CNTN4: variants seen among roughly 807,000 people sequenced by gnomAD.
CNTN4 encodes contactin-4.
CNTN4 carries 77 observed loss-of-function variants against 122.5 expected under a neutral mutation model. The ratio of observed to expected loss-of-function variants is 0.63; its 90% CI spans 0.52 to 0.76. CNTN4 has a LOEUF of 0.76. CNTN4 is among the 30% of genes least tolerant of loss of function. The pLI, the probability that CNTN4 is intolerant of heterozygous loss-of-function variation, is 0.00. For synonymous variants in CNTN4, 512 were observed against 447.0 expected (o/e 1.15, Z -1.83); for missense variants, 1,256 against 1,259.1 (o/e 1.00, Z 0.04).
Position 2,386,092 on chromosome 3 carries a change from G to C in CNTN4, c.-89+46859G>C, listed in dbSNP as rs567012473. Among the ~76,000 whole-genome samples the C allele has an allele frequency of 9.7e-4, 148 of 152,030 alleles. 1 individual carries two copies. Among genetic ancestry groups the C allele is most frequent in the Non-Finnish European group, 1.7e-3 (117 of 67,986 alleles). ...ATTTGTTCATATATCTATGACATTG[G>C]TTAGATTAGGAATTCCTCAAGTAAG... is the stretch of plus-strand genomic sequence containing the variant. On this transcript the variant is annotated intron_variant, in intron 3 of 24. Transcript: ENST00000418658.
intron 2 of CNTN4, among the ~76,000 whole-genome samples, chr3:2,179,486 C>T (rs1373436379): frequency 6.6e-6 from 1 of 151,896 alleles, no homozygotes; most frequent in Non-Finnish European, 1.5e-5. Flanking sequence ...AACGCTTTCC[C>T]TGTAGTAGCT....
intron 4 of CNTN4, among the ~76,000 whole-genome samples, chr3:2,601,048 G>T (rs565392986): frequency 2.6e-5 from 4 of 152,264 alleles, no homozygotes; most frequent in African/African-American, 9.6e-5. Flanking sequence ...TGATGGGGTT[G>T]TTGTATTTTT....
At chr3:2,845,652 A>T (rs1308527282) in intron 7 of CNTN4, among the ~76,000 whole-genome samples, 3 of 152,214 alleles carry the variant, frequency 2.0e-5, no homozygotes, top group South Asian at 4.1e-4. Flanking sequence ...CAGTTTCATT[A>T]CAGACATGTT....
chr3:2,720,234 C>G (rs1276250275), intron 4 of CNTN4, among the ~76,000 whole-genome samples: 1 of 152,036 alleles, frequency 6.6e-6, no homozygotes, highest in Non-Finnish European at 1.5e-5. Context: ...TTTTTGATGT[C>G]AATGAGATAG....
At chr3:2,766,615 A>G in intron 6 of CNTN4, among the ~76,000 whole-genome samples, 1 of 152,154 alleles carries the variant, frequency 6.6e-6, no homozygotes, top group East Asian at 1.9e-4. Flanking sequence ...GAAGAGGATG[A>G]GGGATAAAAG....
chr3:2,571,771 C>G (rs1476354575), intron 4 of CNTN4, among the ~76,000 whole-genome samples: 3 of 152,192 alleles, frequency 2.0e-5, no homozygotes, highest in Non-Finnish European at 4.4e-5. Context: ...ACCGATGTTT[C>G]ACCTGTCTAT....
intron 3 of CNTN4, among the ~76,000 whole-genome samples, chr3:2,390,215 AGTGTGTGTGTGTGTGTGT>A (rs142190283): frequency 6.9e-6 from 1 of 144,770 alleles, no homozygotes; most frequent in Non-Finnish European, 1.5e-5. Context: ...AGGAAAAAAG[AGTGTGTGTGTGTGTGTGT>A]GTGTGTGTGT....
chr3:2,433,995 T>TG (rs2048172255), intron 3 of CNTN4, among the ~76,000 whole-genome samples: 2 of 152,172 alleles, frequency 1.3e-5, no homozygotes, highest in South Asian at 4.2e-4. Flanking sequence ...TACCAGAGGC[T>TG]GGGGGAGGGA....
At chr3:2,509,197 C>T (rs963452358) in intron 3 of CNTN4, among the ~76,000 whole-genome samples, 2 of 152,162 alleles carry the variant, frequency 1.3e-5, no homozygotes, top group Non-Finnish European at 1.5e-5. Flanking sequence ...GCTAATATGA[C>T]TGAGGTGCAC....
chr3:2,833,893 A>C (rs1298023383), intron 7 of CNTN4, among the ~76,000 whole-genome samples: 2 of 152,186 alleles, frequency 1.3e-5, no homozygotes, highest in Non-Finnish European at 2.9e-5. Flanking sequence ...TAATCCCAAC[A>C]CTTGGGGAGG....
chr3:2,503,800 C>G (rs112001945), intron 3 of CNTN4, among the ~76,000 whole-genome samples: 4 of 151,938 alleles, frequency 2.6e-5, no homozygotes, highest in African/African-American at 4.8e-5. Flanking sequence ...AAACATAATC[C>G]TGGGTGGTGA....
chr3:2,422,410 T>G (rs2047651237), intron 3 of CNTN4, among the ~76,000 whole-genome samples: 1 of 152,198 alleles, frequency 6.6e-6, no homozygotes, highest in Non-Finnish European at 1.5e-5. Context: ...CAAACAGATG[T>G]TGTCATTTTC....
chr3:2,775,237 T>G (rs2091267849), intron 6 of CNTN4, among the ~76,000 whole-genome samples: 1 of 152,214 alleles, frequency 6.6e-6, no homozygotes, highest in African/African-American at 2.4e-5. Flanking sequence ...GCTTAGTGTT[T>G]TTATTTCCAG....
intron 3 of CNTN4, among the ~76,000 whole-genome samples, chr3:2,345,844 G>A (rs575196759): frequency 5.3e-5 from 8 of 152,268 alleles, no homozygotes; most frequent in South Asian, 4.1e-4. Context: ...TAAATTTGAC[G>A]AATTAATCCT....
chr3:2,759,680 TAC>T (rs1386416731), intron 6 of CNTN4, among the ~76,000 whole-genome samples: 10 of 150,286 alleles, frequency 6.7e-5, no homozygotes, highest in Non-Finnish European at 1.0e-4. Flanking sequence ...ATGTTTAACA[TAC>T]AGTAACTGGG....
intron 4 of CNTN4, among the ~76,000 whole-genome samples, chr3:2,599,234 T>A (rs556093096): frequency 6.6e-6 from 1 of 152,300 alleles, no homozygotes; most frequent in East Asian, 1.9e-4. Context: ...TAGTTGTAGG[T>A]TCCATTCTAT....
intron 6 of CNTN4, among the ~76,000 whole-genome samples, chr3:2,760,831 C>T (rs2090557880): frequency 1.3e-5 from 2 of 152,184 alleles, no homozygotes; most frequent in African/African-American, 4.8e-5. Context: ...TGAGGTAGAA[C>T]TCATTTGTCC....
chr3:2,462,094 G>GACCCTTAC (rs1487142494), intron 3 of CNTN4, among the ~76,000 whole-genome samples: 1 of 152,164 alleles, frequency 6.6e-6, no homozygotes, highest in African/African-American at 2.4e-5. Flanking sequence ...ACACAAGATA[G>GACCCTTAC]ACCCTTACAA....
intron 15 of CNTN4, among the ~76,000 whole-genome samples, chr3:3,028,489 C>A (rs1198244052): frequency 2.0e-5 from 3 of 152,072 alleles, no homozygotes. Flanking sequence ...TTCTGAATCG[C>A]AAAATCAAAA....
Sources: allele counts gnomAD v4.1 joint callset (sites outside exome capture counted in the v4.1 genomes callset), GRCh38; gene constraint gnomAD v4.1.1; transcripts MANE v1.5; gene names NCBI Gene and HGNC (gene_info 2026-07-23, HGNC 2026-07-21).